SERINC5: variants seen among roughly 807,000 people sequenced by gnomAD.
The protein encoded by SERINC5 is serine incorporator 5.
A neutral mutation model predicts 63.1 loss-of-function variants in SERINC5; 41 were observed. That is an observed-to-expected ratio of 0.65 (90% CI 0.51 to 0.84). SERINC5 has a LOEUF of 0.84. Among genes scored for constraint, SERINC5 ranks in the 40% least tolerant of loss-of-function variants. The pLI is 0.00. For synonymous variants in SERINC5, 222 were observed against 215.2 expected (o/e 1.03, Z -0.28); for missense variants, 523 against 573.0 (o/e 0.91, Z 0.89).
At position 80,141,099 on chromosome 5, in the gene SERINC5, A is replaced by G. The variant is rs1745478999; in HGVS notation, c.*2564T>C. On this transcript the variant is annotated 3_prime_UTR_variant, in exon 12 of 12. Transcript: ENST00000507668. ...ACCTGAGTATTGTATATCACAATTAATAACCATTAACATTAACTCTGCATT... is the reference window on the plus strand; with the variant it reads ...ACCTGAGTATTGTATATCACAATTAGTAACCATTAACATTAACTCTGCATT... 2.0e-6 allele frequency: 2 copies of G among 985,320 alleles called. No individual in the cohort carries two copies. The highest frequency in any genetic ancestry group is 1.1e-4 in the East Asian group (1 of 8,838). 61.0% of individuals were successfully genotyped at this position (985,320 alleles called of 1,614,324 possible).
intron 1 of SERINC5, among the ~76,000 whole-genome samples, chr5:80,244,480 G>A (rs1279346706): frequency 6.6e-6 from 1 of 151,908 alleles, no homozygotes; most frequent in Non-Finnish European, 1.5e-5. Context: ...CCCCCAAAGT[G>A]CTGGGATTAC....
chr5:80,137,132 C>G (rs1227628451), downstream of SERINC5, among the ~76,000 whole-genome samples: 10 of 109,452 alleles, frequency 9.1e-5, no homozygotes, highest in Admixed American at 2.1e-4. Context: ...AGACTGAGAC[C>G]CTGTCTCAAA....
At chr5:80,159,856 A>C (rs1254283863) in intron 7 of SERINC5, among the ~76,000 whole-genome samples, 1 of 152,224 alleles carries the variant, frequency 6.6e-6, no homozygotes, top group Non-Finnish European at 1.5e-5. Context: ...GAACCCAGCC[A>C]CACCAACTGC....
intron 1 of SERINC5, among the ~76,000 whole-genome samples, chr5:80,224,940 T>C (rs111719180): frequency 2.2e-5 from 3 of 134,272 alleles, no homozygotes; most frequent in Non-Finnish European, 5.1e-5. Context: ...TTTTTGTTTT[T>C]TTTTGTTTTT....
intron 2 of SERINC5, among the ~76,000 whole-genome samples, chr5:80,189,877 CTTT>C (rs1039897402): frequency 1.3e-5 from 2 of 151,956 alleles, no homozygotes; most frequent in African/African-American, 4.8e-5. Context: ...ACATCCGCTA[CTTT>C]TTTACTTTTT....
At chr5:80,176,947 T>G (rs1184242386) in intron 4 of SERINC5, among the ~76,000 whole-genome samples, 1 of 152,154 alleles carries the variant, frequency 6.6e-6, no homozygotes, top group Non-Finnish European at 1.5e-5. Flanking sequence ...TACGGTAAGT[T>G]TAATAACAGA....
chr5:80,158,578 T>C (rs1411603350), intron 8 of SERINC5: 4 of 420,960 alleles, frequency 9.5e-6, no homozygotes, highest in Non-Finnish European at 1.7e-5. Flanking sequence ...ATTTGCTTTA[T>C]TTACCCCAAA....
rs186905901 is a variant in SERINC5, at chr5:80,192,953, C to T, written c.195+9933G>A. On this transcript the variant is annotated intron_variant, in intron 2 of 11. Transcript: ENST00000507668. The stretch of plus-strand genomic sequence containing the variant: ...AGTTCACATATTTTTAGCTTTCAGA[C>T]ATACACAGTCTAGCATCACAGGCTC... 8.0e-4 allele frequency among the ~76,000 whole-genome samples: 122 copies of T among 152,276 alleles called. 1 individual carries two copies. The highest frequency in any genetic ancestry group is 2.8e-3 in the African/African-American group (118 of 41,562).
At chr5:80,180,994 A>T (rs1014044340) in intron 2 of SERINC5, among the ~76,000 whole-genome samples, 5 of 152,096 alleles carry the variant, frequency 3.3e-5, no homozygotes, top group Non-Finnish European at 5.9e-5. Context: ...GAATTTACTT[A>T]TGAGCAATTT....
chr5:80,243,711 G>C (rs566349632), intron 1 of SERINC5, among the ~76,000 whole-genome samples: 16 of 151,508 alleles, frequency 1.1e-4, no homozygotes, highest in African/African-American at 3.6e-4. Flanking sequence ...TTTGGGACCA[G>C]CCTGGGCAAC....
intron 1 of SERINC5, among the ~76,000 whole-genome samples, chr5:80,223,626 C>T (rs1033658429): frequency 1.3e-5 from 2 of 152,000 alleles, no homozygotes; most frequent in Admixed American, 6.6e-5. Context: ...ACCCTGAGAG[C>T]AAGTTCGAGG....
intron 1 of SERINC5, among the ~76,000 whole-genome samples, chr5:80,222,842 G>A (rs1750973746): frequency 6.6e-6 from 1 of 151,988 alleles, no homozygotes; most frequent in Admixed American, 6.6e-5. Flanking sequence ...CCAAAGTGCT[G>A]GGATTACAGG....
intron 1 of SERINC5, among the ~76,000 whole-genome samples, chr5:80,248,147 T>C (rs1752241238): frequency 6.6e-6 from 1 of 152,152 alleles, no homozygotes; most frequent in South Asian, 2.1e-4. Context: ...CCACCTTGCC[T>C]GGCCTCATGA....
At chr5:80,176,071 C>T (rs1339196453) in intron 4 of SERINC5, among the ~76,000 whole-genome samples, 5 of 151,550 alleles carry the variant, frequency 3.3e-5, no homozygotes, top group African/African-American at 9.7e-5. Context: ...CCCAGCTACT[C>T]GGGAGGCTGA....
intron 2 of SERINC5, among the ~76,000 whole-genome samples, chr5:80,196,905 A>G (rs1490939419): frequency 6.6e-6 from 1 of 152,152 alleles, no homozygotes; most frequent in Non-Finnish European, 1.5e-5. Context: ...ACACCACTGC[A>G]CTCTAGCCTG....
chr5:80,135,000 C>CA (rs2112264615), downstream of SERINC5, among the ~76,000 whole-genome samples: 1 of 152,348 alleles, frequency 6.6e-6, no homozygotes, highest in East Asian at 1.9e-4. Context: ...CTGTTCAAAA[C>CA]AAAGCCACTG....
Position 80,139,760 on chromosome 5 carries a change from T to C in SERINC5, c.*3903A>G. 1 of 985,454 alleles carries C rather than the reference T, an allele frequency of 1.0e-6. No homozygotes were observed. The allele number at this position is 985,454 out of a possible 1,614,324, so 61.0% of individuals were successfully genotyped here. On this transcript the variant is annotated 3_prime_UTR_variant, in exon 12 of 12. Coordinates refer to ENST00000507668, the MANE Select transcript of SERINC5 (RefSeq NM_001174072.3). The stretch of plus-strand genomic sequence containing the variant: ...CAGTAAATTCCACAAGCCAAGTGGC[T>C]ACTGCATTGTCCCTGAAGAAGGAGG...
At chr5:80,159,077 AACACT>A in intron 7 of SERINC5, 115 bp from the exon 8 acceptor site, 1 of 979,374 alleles carries the variant, frequency 1.0e-6, no homozygotes, top group Non-Finnish European at 1.5e-6. Context: ...TAGAACAGTG[AACACT>A]TATCACTGGA....
rs139063094 is a variant in SERINC5, at chr5:80,147,362, T to C, written c.1054-78A>G. ...CTCAGCAAGACAACAGTAACCCTTA[T>C]TTGAACCACCTCCCAGGCCCTTCAA... is the stretch of plus-strand genomic sequence containing the variant. On this transcript the variant is annotated intron_variant, in intron 9 of 11. Coordinates refer to ENST00000507668, the MANE Select transcript of SERINC5 (RefSeq NM_001174072.3). The C allele has an allele frequency of 2.1e-6, 3 of 1,432,578 alleles. No individual in the cohort carries two copies. The African/African-American group carries it at 4.6e-5, about 22-fold the overall frequency. The allele number at this position is 1,432,578 out of a possible 1,614,324, so 88.7% of individuals were successfully genotyped here. A position where few individuals can be genotyped will look rare whatever the true frequency, so the allele number is the denominator to read the frequency against.
Sources: gnomAD v4.1 joint callset for allele counts (sites outside exome capture counted in the v4.1 genomes callset) on GRCh38, gnomAD v4.1.1 for gene constraint, MANE v1.5 for transcripts, NCBI Gene and HGNC (gene_info 2026-07-23, HGNC 2026-07-21) for gene names.